Variants in APBA2 observed in about 807,000 individuals in gnomAD.
APBA2 encodes amyloid beta precursor protein binding family A member 2, also known as amyloid-beta A4 precursor protein-binding family A member 2.
A neutral mutation model predicts 75.0 loss-of-function variants in APBA2; 30 were observed. The ratio of observed to expected loss-of-function variants is 0.40; its 90% CI spans 0.30 to 0.54. The LOEUF is 0.54. Among genes scored for constraint, APBA2 ranks in the 20% least tolerant of loss-of-function variants. The pLI, the probability that APBA2 is intolerant of heterozygous loss-of-function variation, is 0.49. For synonymous variants in APBA2, 444 were observed against 409.6 expected, an observed-to-expected ratio of 1.08 and a Z score of -1.01; for missense variants, 801 against 1,016.1, an observed-to-expected ratio of 0.79 and a Z score of 2.88.
chr15:28,944,965 C>T (rs1017888604), intron 2 of APBA2, among the ~76,000 whole-genome samples: 3 of 152,178 alleles, frequency 2.0e-5, no homozygotes, highest in African/African-American at 4.8e-5. Flanking sequence ...AGAGGCCTTG[C>T]CCCCGCTTTG....
At chr15:28,983,944 TCTGCCCTGCC>T (rs959083983) in intron 2 of APBA2, among the ~76,000 whole-genome samples, 1 of 152,098 alleles carries the variant, frequency 6.6e-6, no homozygotes, top group Non-Finnish European at 1.5e-5. Context: ...CTAGAAGACC[TCTGCCCTGCC>T]CTGCCCTGCC....
At chr15:29,110,992 G>A (rs942555118) in intron 13 of APBA2, among the ~76,000 whole-genome samples, 4 of 152,142 alleles carry the variant, frequency 2.6e-5, no homozygotes, top group African/African-American at 9.7e-5. Flanking sequence ...TGGCCAGGAA[G>A]CTGAGGGTGG....
intron 8 of APBA2, among the ~76,000 whole-genome samples, chr15:29,097,799 A>G (rs577823046): frequency 3.9e-5 from 6 of 152,252 alleles, no homozygotes; most frequent in South Asian, 2.1e-4. Context: ...CCGTGGACCA[A>G]TACTTCCCCC....
chr15:28,985,969 C>A (rs1418762132), intron 2 of APBA2, among the ~76,000 whole-genome samples: 1 of 152,194 alleles, frequency 6.6e-6, no homozygotes, highest in African/African-American at 2.4e-5. Context: ...ACCTCCATTC[C>A]AGCAAGATCC....
At chr15:29,077,273 G>A (rs930462461) in intron 6 of APBA2, among the ~76,000 whole-genome samples, 1 of 152,138 alleles carries the variant, frequency 6.6e-6, no homozygotes, top group African/African-American at 2.4e-5. Context: ...TGGGTTCCTG[G>A]TTTATAGGAG....
At chr15:28,995,722 A>G (rs2038482095) in intron 2 of APBA2, 31 bp from the exon 3 acceptor site, 1 of 151,976 alleles carries the variant, frequency 6.6e-6, no homozygotes, top group Non-Finnish European at 1.5e-5. Context: ...AGTGAAAGTA[A>G]TTTTCTCTGT....
intron 2 of APBA2, among the ~76,000 whole-genome samples, chr15:28,983,610 C>T (rs954911265): frequency 5.3e-5 from 8 of 152,216 alleles, no homozygotes; most frequent in African/African-American, 1.4e-4. Context: ...CCTCCAGGAG[C>T]GCTGTCGGCT....
chr15:29,092,992 C>T (rs1325089894), intron 6 of APBA2, 83 bp from the exon 7 acceptor site: 2 of 1,568,994 alleles, frequency 1.3e-6, no homozygotes, highest in African/African-American at 1.4e-5. Flanking sequence ...CTGCCGTGTT[C>T]CTTGTGCTAT....
chr15:28,915,996 G>A (rs1291899716), intron 1 of APBA2, among the ~76,000 whole-genome samples: 1,815 of 152,044 alleles, frequency 0.012, 31 homozygotes, highest in South Asian at 0.042. Context: ...ACACACCCCC[G>A]CCACACACAT....
chr15:28,908,315 GT>G (rs765084356), intron 1 of APBA2, among the ~76,000 whole-genome samples: 110 of 137,480 alleles, frequency 8.0e-4, no homozygotes, highest in South Asian at 8.9e-4. Flanking sequence ...TTGTTTTCTT[GT>G]TTTTTTTTTT....
intron 1 of APBA2, among the ~76,000 whole-genome samples, chr15:28,892,318 G>T (rs555495787): frequency 6.6e-6 from 1 of 152,082 alleles, no homozygotes; most frequent in Admixed American, 6.5e-5. Flanking sequence ...CTCATGATCC[G>T]CCCACCTCGG....
chr15:29,009,997 T>C (rs138716427), intron 3 of APBA2, among the ~76,000 whole-genome samples: 2 of 152,310 alleles, frequency 1.3e-5, no homozygotes, highest in African/African-American at 4.8e-5. Flanking sequence ...TCTGACGTGA[T>C]TGTACCCAAT....
chr15:29,024,925 G>A lies in APBA2; in HGVS notation c.-40-28920G>A, dbSNP rs187552759. Among the ~76,000 whole-genome samples, 88 of 152,274 alleles carry A rather than the reference G, an allele frequency of 5.8e-4. 1 individual carries two copies. The highest frequency in any genetic ancestry group is 1.7e-3 in the African/African-American group (70 of 41,562). On this transcript the variant is annotated intron_variant, in intron 3 of 14. Coordinates refer to ENST00000683413, the MANE Select transcript of APBA2 (RefSeq NM_001353788.2). The stretch of plus-strand genomic sequence containing the variant: ...ATAGCCTTGGGGCTTGCAGGTGGAC[G>A]GTTCCCATTCCACTGTCGAGTATCA...
intron 6 of APBA2, among the ~76,000 whole-genome samples, chr15:29,082,650 G>A (rs555857383): frequency 2.1e-4 from 32 of 151,964 alleles, no homozygotes; most frequent in African/African-American, 7.2e-4. Context: ...TCTTTTTTTG[G>A]TATGCTTTTT....
chr15:29,062,470 ATGT>A (rs1357158794), intron 4 of APBA2, among the ~76,000 whole-genome samples: 1 of 152,020 alleles, frequency 6.6e-6, no homozygotes, highest in African/African-American at 2.4e-5. Context: ...TCTGAACTTG[ATGT>A]TCAGAAGCTC....
chr15:28,888,980 G>C (rs889278164), intron 1 of APBA2, among the ~76,000 whole-genome samples: 5 of 152,020 alleles, frequency 3.3e-5, no homozygotes, highest in Admixed American at 1.3e-4. Context: ...AGTTTGAGAG[G>C]GTTGCTCACC....
At chr15:29,001,938 A>G (rs898308686) in intron 3 of APBA2, among the ~76,000 whole-genome samples, 1 of 152,196 alleles carries the variant, frequency 6.6e-6, no homozygotes, top group Non-Finnish European at 1.5e-5. Flanking sequence ...GCTCTAATTA[A>G]TTATGTCCAA....
At position 28,898,438 on chromosome 15, in the gene APBA2, G is replaced by C. The variant is rs1371674692; in HGVS notation, c.-205+12160G>C. The stretch of plus-strand genomic sequence containing the variant: ...ACTCTGCAAATGTGGCAGCTGTGTG[G>C]ATGGGGCTTGCCACGTAACGTTGAG... On this transcript the variant is annotated intron_variant, in intron 1 of 14. Coordinates refer to ENST00000683413, the MANE Select transcript of APBA2 (RefSeq NM_001353788.2). Among the ~76,000 whole-genome samples, 4 of 152,326 alleles carry C rather than the reference G, an allele frequency of 2.6e-5. No homozygotes were observed. In the South Asian group the frequency reaches 8.3e-4, roughly 32 times the overall value.
chr15:28,928,472 G>T (rs916386749), intron 2 of APBA2, among the ~76,000 whole-genome samples: 3 of 152,130 alleles, frequency 2.0e-5, no homozygotes, highest in African/African-American at 4.8e-5. Flanking sequence ...TAGTTGTAGG[G>T]TGTGGGGAGG....
Sources: gnomAD v4.1 joint callset for allele counts (sites outside exome capture counted in the v4.1 genomes callset) on GRCh38, gnomAD v4.1.1 for gene constraint, MANE v1.5 for transcripts, NCBI Gene and HGNC (gene_info 2026-07-23, HGNC 2026-07-21) for gene names.